CLIP2: variants seen among roughly 807,000 people sequenced by gnomAD.
CLIP2 encodes CAP-Gly domain-containing linker protein 2.
In CLIP2, 41 loss-of-function variants were observed where a neutral mutation model predicts 111.7. The observed-to-expected ratio is 0.37, with a 90% confidence interval of 0.29 to 0.48. The LOEUF (loss-of-function observed/expected upper bound fraction) is 0.48. Among genes scored for constraint, CLIP2 ranks in the 20% least tolerant of loss-of-function variants. The pLI is 0.99. For synonymous variants in CLIP2, 660 were observed against 644.2 expected (o/e 1.02, Z -0.37); for missense variants, 1,160 against 1,422.1 (o/e 0.82, Z 2.96).
intron 8 of CLIP2, among the ~76,000 whole-genome samples, chr7:74,370,970 A>C (rs1790599925): frequency 6.6e-6 from 1 of 151,960 alleles, no homozygotes; most frequent in Non-Finnish European, 1.5e-5. Flanking sequence ...TTGAGGGGCC[A>C]GGCGTGGTGG....
intron 8 of CLIP2, 109 bp from the exon 9 acceptor site, chr7:74,372,823 C>CCT (rs1177268334): frequency 1.9e-3 from 952 of 504,014 alleles, no homozygotes; most frequent in South Asian, 3.6e-3. Context: ...GATGACGCCT[C>CCT]CTCTCTCTCT....
chr7:74,324,470 G>A (rs996007014), intron 2 of CLIP2, among the ~76,000 whole-genome samples: 2 of 152,148 alleles, frequency 1.3e-5, no homozygotes, highest in Non-Finnish European at 2.9e-5. Context: ...CACATTGCCC[G>A]GTGGTCTGGG....
At chr7:74,335,421 C>T (rs1270661627) in intron 2 of CLIP2, among the ~76,000 whole-genome samples, 3 of 152,146 alleles carry the variant, frequency 2.0e-5, no homozygotes, top group African/African-American at 7.2e-5. Flanking sequence ...TCTTGACCTC[C>T]TGGGCTCAAG....
At chr7:74,352,765 T>A (rs1012696170) in intron 3 of CLIP2, among the ~76,000 whole-genome samples, 7 of 151,230 alleles carry the variant, frequency 4.6e-5, no homozygotes, top group Non-Finnish European at 8.8e-5. Flanking sequence ...TCCCAGCCCT[T>A]TGGGAGGCTG....
intron 1 of CLIP2, among the ~76,000 whole-genome samples, chr7:74,312,484 A>G (rs1015080526): frequency 3.3e-5 from 5 of 152,120 alleles, no homozygotes; most frequent in Admixed American, 1.3e-4. Flanking sequence ...GGTCACCCAC[A>G]AGGTGGGATA....
chr7:74,333,956 T>C (rs1789373646), intron 2 of CLIP2, among the ~76,000 whole-genome samples: 1 of 152,238 alleles, frequency 6.6e-6, no homozygotes, highest in Non-Finnish European at 1.5e-5. Flanking sequence ...AGGAAGCTCC[T>C]GTTAACCAGG....
intron 2 of CLIP2, among the ~76,000 whole-genome samples, chr7:74,318,654 A>G (rs1485041402): frequency 6.6e-6 from 1 of 151,852 alleles, no homozygotes; most frequent in Non-Finnish European, 1.5e-5. Flanking sequence ...AGGAGGTTGC[A>G]GTGAGCCGAG....
At position 74,376,044 on chromosome 7, in the gene CLIP2, G is replaced by A. The variant is rs1266332000; in HGVS notation, c.1643G>A (p.Arg548Gln). The stretch of plus-strand genomic sequence containing the variant: ...GCCGAGATCCTGCGGCTACGGGAGC[G>A]GCTGCTCTCGGCCAGCAAGGAACAC... ...DAAEILRLRE[R>Q]LLSASKEHQR... Residue 548 changes from arginine to glutamine, a missense_variant, in exon 10 of 17, where the codon CGG becomes CAG. Coordinates refer to ENST00000223398, the MANE Select transcript of CLIP2 (RefSeq NM_003388.5). This position sits in a 1 kb window ranked among gnomAD's most constrained non-coding sequence, Gnocchi z 7.1. 12 of 1,612,608 alleles carry A rather than the reference G, an allele frequency of 7.4e-6. No individual in the cohort carries two copies. The highest frequency in any genetic ancestry group is 2.2e-5 in the East Asian group (1 of 44,868).
At chr7:74,375,782 G>A (rs1790757013) in intron 9 of CLIP2, 105 bp from the exon 10 acceptor site, 1 of 923,062 alleles carries the variant, frequency 1.1e-6, no homozygotes, top group Non-Finnish European at 1.6e-6. Flanking sequence ...GCTGGGGCTG[G>A]TGCCCTCGAA....
chr7:74,317,377 T>G (rs1788810898), intron 1 of CLIP2, 103 bp from the exon 2 acceptor site: 1 of 764,472 alleles, frequency 1.3e-6, no homozygotes, highest in South Asian at 6.1e-5. Flanking sequence ...GGGTGTTGCC[T>G]CGTCCAGCCC....
chr7:74,325,791 C>A (rs1411933531), intron 2 of CLIP2, among the ~76,000 whole-genome samples: 2 of 151,826 alleles, frequency 1.3e-5, no homozygotes, highest in African/African-American at 4.8e-5. Flanking sequence ...TAGATCACGC[C>A]ATTGCACTTC....
chr7:74,403,938 G>A lies in CLIP2; in HGVS notation c.*90G>A. 7.2e-7 allele frequency: 1 copy of A among 1,397,920 alleles called. No individual in the cohort carries two copies. Among genetic ancestry groups the A allele is most frequent in the Non-Finnish European group, 1.0e-6 (1 of 990,548 alleles). 86.6% of individuals were successfully genotyped at this position (1,397,920 alleles called of 1,614,324 possible). On this transcript the variant is annotated 3_prime_UTR_variant, in exon 17 of 17. Transcript: ENST00000223398. ...CCTCCTCCAGGCAGGAGCCGGGACT[G>A]TCACTTTGGAGACAAAACAGTGTTT...
At position 74,338,446 on chromosome 7, in the gene CLIP2, A is replaced by G; in HGVS notation, c.122-2A>G. On this transcript the variant is annotated splice_acceptor_variant, in intron 2 of 16. Transcript: ENST00000223398. LOFTEE classifies it high-confidence loss of function. This position sits in a 1 kb window ranked among gnomAD's most constrained non-coding sequence, Gnocchi z 4.3. Reference sequence around the variant, plus strand: ...TTTCCCTTTCCCTCTCCTTCTCTGCAGGCTCCCCACTGCACAAACAGTCAT... The same window carrying G: ...TTTCCCTTTCCCTCTCCTTCTCTGCGGGCTCCCCACTGCACAAACAGTCAT... The G allele has an allele frequency of 6.2e-7, 1 of 1,611,814 alleles. No individual in the cohort carries two copies. The highest frequency in any genetic ancestry group is 8.5e-7 in the Non-Finnish European group (1 of 1,179,470).
Position 74,317,576 on chromosome 7 carries a change from C to G in CLIP2, c.30C>G (p.Pro10=). The G allele has an allele frequency of 6.7e-7, 1 of 1,488,244 alleles. No individual in the cohort carries two copies. The highest frequency in any genetic ancestry group is 9.0e-7 in the Non-Finnish European group (1 of 1,112,168). The allele number at this position is 1,488,244 out of a possible 1,614,324, so 92.2% of individuals were successfully genotyped here. A position where few individuals can be genotyped will look rare whatever the true frequency, so the allele number is the denominator to read the frequency against. MQKPSGLKP[P]GRGGKHSSPM... The stretch of plus-strand genomic sequence containing the variant: ...AGAAGCCCAGCGGCCTGAAGCCCCC[C>G]GGCCGTGGGGGGAAGCACTCCAGCC... The change falls in exon 2 of 17, where the codon CCC becomes CCG. Residue 10 remains proline (P), a synonymous_variant. Transcript: ENST00000223398.
intron 1 of CLIP2, among the ~76,000 whole-genome samples, chr7:74,299,654 G>T (rs1788270836): frequency 6.6e-6 from 1 of 152,008 alleles, no homozygotes; most frequent in South Asian, 2.1e-4. Flanking sequence ...AGGAGAAGGT[G>T]TGGGAGTGAG....
intron 2 of CLIP2, among the ~76,000 whole-genome samples, chr7:74,318,994 G>A (rs938508715): frequency 2.6e-5 from 4 of 152,282 alleles, no homozygotes; most frequent in Admixed American, 6.5e-5. Flanking sequence ...GTGAAAGGGC[G>A]AGGAAGCTGC....
intron 3 of CLIP2, among the ~76,000 whole-genome samples, chr7:74,342,193 T>C (rs563779854): frequency 1.3e-5 from 2 of 151,950 alleles, no homozygotes; most frequent in Admixed American, 1.3e-4. Flanking sequence ...CTCACCAATA[T>C]GTTGAAACCC....
chr7:74,295,832 T>C (rs1363720588), intron 1 of CLIP2, among the ~76,000 whole-genome samples: 1 of 151,694 alleles, frequency 6.6e-6, no homozygotes, highest in Non-Finnish European at 1.5e-5. Flanking sequence ...GAGCCAGACT[T>C]CATCTCTACA....
intron 11 of CLIP2, among the ~76,000 whole-genome samples, chr7:74,384,428 G>T (rs868965415): frequency 2.8e-4 from 42 of 149,596 alleles, no homozygotes; most frequent in Admixed American, 1.3e-3. Context: ...AGAGTAGAAT[G>T]CTAGGTCATA....
Sources: allele counts gnomAD v4.1 joint callset (sites outside exome capture counted in the v4.1 genomes callset), GRCh38; gene constraint gnomAD v4.1.1; non-coding constraint Gnocchi (gnomAD v3.1); transcripts MANE v1.5; gene names NCBI Gene and HGNC (gene_info 2026-07-23, HGNC 2026-07-21).